Variants in MCOLN2 observed in about 807,000 individuals in gnomAD.
MCOLN2 encodes mucolipin-2.
Under a neutral mutation model 67.5 loss-of-function variants are expected in MCOLN2, and 57 were observed. The observed-to-expected ratio is 0.84, with a 90% CI of 0.68 to 1.05. The LOEUF (loss-of-function observed/expected upper bound fraction) is 1.05. MCOLN2 is among the 50% of genes least tolerant of loss of function. The probability of loss-of-function intolerance (pLI) is 0.00; values close to 1 mark genes in which losing one functional copy is unlikely to be tolerated. For missense variants in MCOLN2, 620 were observed against 678.8 expected (o/e 0.91, Z 0.96); for synonymous variants, 246 against 233.3 (o/e 1.05, Z -0.50).
At chr1:84,982,959 C>A (rs1459375509) in intron 1 of MCOLN2, among the ~76,000 whole-genome samples, 2 of 152,124 alleles carry the variant, frequency 1.3e-5, no homozygotes, top group Admixed American at 1.3e-4. Flanking sequence ...TTCAGGTGAT[C>A]CACCCACCCT....
At chr1:84,948,400 ATAAC>A (rs1648231845) in intron 6 of MCOLN2, among the ~76,000 whole-genome samples, 1 of 152,224 alleles carries the variant, frequency 6.6e-6, no homozygotes, top group Admixed American at 6.5e-5. Flanking sequence ...CAAAGCCACT[ATAAC>A]CAACCAACAC....
Position 84,996,955 on chromosome 1 carries a change from G to A in MCOLN2, c.-83C>T, listed in dbSNP as rs1194118063. The stretch of plus-strand genomic sequence containing the variant: ...ACGGCCGACTCATTTCGCCCTCGCC[G>A]TAACGCGTCCGCCGAAGTTGGAGCC... On this transcript the variant is annotated 5_prime_UTR_variant, in exon 1 of 14. In the 5' UTR this introduces an upstream ATG that the reference lacks. Transcript: ENST00000370608. The A allele has an allele frequency of 2.3e-5, 29 of 1,281,156 alleles. No individual in the cohort carries two copies. The highest frequency in any genetic ancestry group is 4.3e-4 in the Middle Eastern group (2 of 4,608). 79.4% of individuals were successfully genotyped at this position (1,281,156 alleles called of 1,614,324 possible). A position where few individuals can be genotyped will look rare whatever the true frequency, so the allele number is the denominator to read the frequency against.
At chr1:84,978,878 G>A (rs775462655) in intron 1 of MCOLN2, among the ~76,000 whole-genome samples, 1 of 151,820 alleles carries the variant, frequency 6.6e-6, no homozygotes, top group African/African-American at 2.4e-5. Context: ...ATGATCACAA[G>A]GTCCCACAAT....
At chr1:84,970,105 T>C (rs1197096311) in intron 1 of MCOLN2, among the ~76,000 whole-genome samples, 2 of 152,236 alleles carry the variant, frequency 1.3e-5, no homozygotes, top group Non-Finnish European at 2.9e-5. Context: ...CTGAATTTAG[T>C]GTTAATTGCT....
chr1:84,948,561 CATA>C lies in MCOLN2; in HGVS notation c.748-1432_748-1430del, dbSNP rs138424028. Among the ~76,000 whole-genome samples the C allele has an allele frequency of 1.3e-3, 201 of 152,200 alleles. 1 individual carries two copies. The highest frequency in any genetic ancestry group is 7.7e-3 in the East Asian group (40 of 5,184). Reference sequence around the variant, plus strand: ...CAAGAAAACATGGCACCCAAAAGAACATAATAATTCTCAAGTAGCAGACCCCAA... The same window carrying C: ...CAAGAAAACATGGCACCCAAAAGAACATAATTCTCAAGTAGCAGACCCCAA... On this transcript the variant is annotated intron_variant, in intron 6 of 13. Coordinates refer to ENST00000370608, the MANE Select transcript of MCOLN2 (RefSeq NM_153259.4).
At chr1:84,930,302 A>G (rs1661348035) in intron 12 of MCOLN2, among the ~76,000 whole-genome samples, 1 of 151,980 alleles carries the variant, frequency 6.6e-6, no homozygotes, top group Admixed American at 6.6e-5. Flanking sequence ...TTTAATGCTA[A>G]CAGCAAGACT....
intron 7 of MCOLN2, among the ~76,000 whole-genome samples, chr1:84,945,497 ATAT>A (rs1402641271): frequency 2.0e-5 from 3 of 152,232 alleles, no homozygotes; most frequent in Admixed American, 6.5e-5. Flanking sequence ...TCGTCAGGAC[ATAT>A]TATACATCTG....
chr1:84,986,346 G>A (rs1650504851), intron 1 of MCOLN2, among the ~76,000 whole-genome samples: 1 of 152,084 alleles, frequency 6.6e-6, no homozygotes, highest in Non-Finnish European at 1.5e-5. Context: ...TTCAAGACCA[G>A]CCTGACCAAC....
chr1:84,980,262 T>A (rs1650191078), intron 1 of MCOLN2, among the ~76,000 whole-genome samples: 1 of 151,912 alleles, frequency 6.6e-6, no homozygotes, highest in Admixed American at 6.6e-5. Flanking sequence ...ACAGACTCAA[T>A]GCAATCCCTA....
chr1:84,944,396 G>C (rs1647973219), intron 7 of MCOLN2, among the ~76,000 whole-genome samples: 1 of 152,098 alleles, frequency 6.6e-6, no homozygotes, highest in African/African-American at 2.4e-5. Context: ...AGTCGGGCGT[G>C]GTGGGGTGTG....
At chr1:84,942,051 C>A (rs1474087001) in intron 7 of MCOLN2, among the ~76,000 whole-genome samples, 1 of 152,222 alleles carries the variant, frequency 6.6e-6, no homozygotes, top group Non-Finnish European at 1.5e-5. Context: ...AGGGACTTTG[C>A]ACATGCTGAT....
intron 1 of MCOLN2, among the ~76,000 whole-genome samples, chr1:84,994,394 T>C (rs1038519076): frequency 6.6e-6 from 1 of 152,226 alleles, no homozygotes; most frequent in African/African-American, 2.4e-5. Context: ...CTCCTGCCAA[T>C]AGAAGGCTGT....
chr1:84,989,352 T>C (rs1392134794), intron 1 of MCOLN2, among the ~76,000 whole-genome samples: 1 of 152,190 alleles, frequency 6.6e-6, no homozygotes, highest in African/African-American at 2.4e-5. Flanking sequence ...ATTAAAAATA[T>C]ATTTAAAAGT....
In MCOLN2 at chr1:84,987,439, G is replaced by GGT. The variant is rs1439364363; in HGVS notation, c.77+9356_77+9357insAC. On this transcript the variant is annotated intron_variant, in intron 1 of 13. Transcript: ENST00000370608. ...ATGTATATACCTATATACGTATATA[G>GGT]ATATATACATATATACATATATGTA... is the stretch of plus-strand genomic sequence containing the variant. 4.1e-5 allele frequency among the ~76,000 whole-genome samples: 4 copies of GGT among 97,642 alleles called. 1 individual carries two copies. The highest frequency in any genetic ancestry group is 0.014 in the Middle Eastern group (2 of 144). The allele number at this position is 97,642 out of a possible 152,430, so 64.1% of individuals were successfully genotyped here.
intron 9 of MCOLN2, among the ~76,000 whole-genome samples, chr1:84,938,476 T>G (rs945619285): frequency 3.3e-5 from 5 of 152,222 alleles, no homozygotes; most frequent in Non-Finnish European, 7.3e-5. Context: ...GAAAGAAAAC[T>G]CCAGCATGAT....
In MCOLN2 at chr1:84,980,144, T is replaced by C. The variant is rs189181471; in HGVS notation, c.78-14436A>G. Among the ~76,000 whole-genome samples the C allele has an allele frequency of 1.2e-3, 180 of 152,174 alleles. 1 individual carries two copies. Among genetic ancestry groups the C allele is most frequent in the African/African-American group, 4.2e-3 (175 of 41,544 alleles). ...TGAAAGATCTCTATAATGAAAACTG[T>C]AAAACACTGATGAAAGAAATTGAAG... On this transcript the variant is annotated intron_variant, in intron 1 of 13. Transcript: ENST00000370608.
intron 1 of MCOLN2, among the ~76,000 whole-genome samples, chr1:84,981,527 T>C (rs1445248163): frequency 1.3e-5 from 2 of 152,214 alleles, no homozygotes; most frequent in African/African-American, 4.8e-5. Context: ...CTGGCGATCA[T>C]TATGTTAAGT....
intron 6 of MCOLN2, among the ~76,000 whole-genome samples, 154 bp from the exon 7 acceptor site, chr1:84,947,286 C>A (rs1198275039): frequency 1.3e-5 from 2 of 150,354 alleles, no homozygotes. Flanking sequence ...TTACTTGACA[C>A]TCATTTCCTG....
At chr1:84,971,483 G>C (rs1158276527) in intron 1 of MCOLN2, among the ~76,000 whole-genome samples, 1 of 143,802 alleles carries the variant, frequency 7.0e-6, no homozygotes, top group East Asian at 2.0e-4. Context: ...GGTAGATGAA[G>C]GGTATTAAAC....
Sources: gnomAD v4.1 joint callset for allele counts (sites outside exome capture counted in the v4.1 genomes callset) on GRCh38, gnomAD v4.1.1 for gene constraint, MANE v1.5 for transcripts, NCBI Gene and HGNC (gene_info 2026-07-23, HGNC 2026-07-21) for gene names.